The following ADGRG4 variants were observed in gnomAD, a reference collection of about 807,000 sequenced individuals.
ADGRG4 encodes the protein G protein-coupled receptor 112.
Under a neutral mutation model 126.2 loss-of-function variants are expected in ADGRG4, and 122 were observed. The observed-to-expected ratio is 0.97, with a 90% confidence interval of 0.83 to 1.12. The LOEUF is 1.12. Among genes scored for constraint, ADGRG4 ranks in the 50% most tolerant of loss-of-function variants. The probability of loss-of-function intolerance (pLI) is 0.00; values close to 1 mark genes in which losing one functional copy is unlikely to be tolerated. For synonymous variants in ADGRG4, 943 were observed against 838.7 expected (o/e 1.12, Z -2.15); for missense variants, 2,481 against 2,251.8 (o/e 1.10, Z -2.06).
intron 13 of ADGRG4, among the ~76,000 whole-genome samples, chrX:136,367,110 A>C (rs747202135): frequency 1.8e-5 from 2 of 112,071 alleles, no homozygotes; most frequent in African/African-American, 6.5e-5. Flanking sequence ...CTTCATAGAC[A>C]ACTTGCCAGA....
chrX:136,350,998 A>G (rs753172303), intron 6 of ADGRG4, among the ~76,000 whole-genome samples: 40 of 111,866 alleles, frequency 3.6e-4, no homozygotes, highest in Non-Finnish European at 6.6e-4. Context: ...TTAACATTCT[A>G]CAATAGAAAT....
chrX:136,305,548 T>C (rs944882741), intron 3 of ADGRG4, among the ~76,000 whole-genome samples: 1 of 112,307 alleles, frequency 8.9e-6, no homozygotes, highest in African/African-American at 3.2e-5. Flanking sequence ...ATCCCCTTCT[T>C]GAGACGAACA....
At chrX:136,400,425 C>T (rs919920104) in intron 21 of ADGRG4, among the ~76,000 whole-genome samples, 1 of 112,200 alleles carries the variant, frequency 8.9e-6, no homozygotes, top group African/African-American at 3.2e-5. Context: ...ACTGATAAAA[C>T]AGCTAACACT....
chrX:136,344,735 G>A lies in ADGRG4; in HGVS notation c.1029G>A (p.Thr343=), dbSNP rs55662892. The change falls in exon 6 of 26, where the codon ACG becomes ACA. Residue 343 remains threonine (T), a synonymous_variant. Transcript: ENST00000394143. ...IDNTTNSMKK[T]KSPSSESTKT... ...ATACTACCAATTCCATGAAAAAAACGAAATCTCCATCTTCAGAAAGCACAA... is the reference window on the plus strand; with the variant it reads ...ATACTACCAATTCCATGAAAAAAACAAAATCTCCATCTTCAGAAAGCACAA... 1,112 of 1,207,609 alleles carry A rather than the reference G, an allele frequency of 9.2e-4. 7 individuals carry two copies. The African/African-American group carries it at 0.018, about 19-fold the overall frequency.
At chrX:136,401,716 C>T (rs1188680956) in intron 21 of ADGRG4, among the ~76,000 whole-genome samples, 1 of 112,081 alleles carries the variant, frequency 8.9e-6, no homozygotes, top group Non-Finnish European at 1.9e-5. Flanking sequence ...AATGGATGAC[C>T]GCCACGTGAG....
At chrX:136,399,761 C>T (rs1224169559) in intron 20 of ADGRG4, 87 bp from the exon 21 acceptor site, 1 of 789,881 alleles carries the variant, frequency 1.3e-6, no homozygotes, top group African/African-American at 2.1e-5. Flanking sequence ...TTTATTCTTT[C>T]ACTTATTATG....
intron 23 of ADGRG4, among the ~76,000 whole-genome samples, chrX:136,407,625 A>G (rs1450425081): frequency 4.5e-5 from 5 of 112,226 alleles, no homozygotes; most frequent in African/African-American, 1.6e-4. Flanking sequence ...CCTGCCAACC[A>G]TATACATCCA....
In ADGRG4 at chrX:136,345,022, A is replaced by C. The variant is rs933439915; in HGVS notation, c.1316A>C (p.Glu439Ala). The C allele has an allele frequency of 1.7e-6, 2 of 1,211,589 alleles. No individual in the cohort carries two copies. Among genetic ancestry groups the C allele is most frequent in the Admixed American group, 4.3e-5 (2 of 45,994 alleles). Residue 439 changes from glutamate to alanine, a missense_variant, in exon 6 of 26, where the codon GAA becomes GCA. Glu to Ala is a moderately radical substitution (Grantham distance 107). Coordinates refer to ENST00000394143, the MANE Select transcript of ADGRG4 (RefSeq NM_153834.4). ...TCCACAGCTGGCCAGGAGTTCATTGAATCTACAGCTGCCGGAACTGTACCT... is the reference window on the plus strand; with the variant it reads ...TCCACAGCTGGCCAGGAGTTCATTGCATCTACAGCTGCCGGAACTGTACCT... ...PISTAGQEFI[E>A]STAAGTVPWF...
intron 1 of ADGRG4, among the ~76,000 whole-genome samples, chrX:136,301,617 T>G: frequency 8.9e-6 from 1 of 112,462 alleles, no homozygotes; most frequent in Non-Finnish European, 1.9e-5. Flanking sequence ...CAATTTTGGC[T>G]TTTGTTGCCA....
intron 7 of ADGRG4, among the ~76,000 whole-genome samples, 172 bp from the exon 8 acceptor site, chrX:136,353,165 C>T (rs761233701): frequency 3.6e-5 from 4 of 111,637 alleles, no homozygotes; most frequent in Non-Finnish European, 5.6e-5. Flanking sequence ...AGACACAATT[C>T]AGCCCATAAT....
chrX:136,411,341 C>T (rs1437538595), intron 23 of ADGRG4, among the ~76,000 whole-genome samples: 2 of 112,649 alleles, frequency 1.8e-5, no homozygotes, highest in Admixed American at 9.3e-5. Context: ...TGAGACATCA[C>T]GCCTGGCCAA....
intron 5 of ADGRG4, among the ~76,000 whole-genome samples, chrX:136,341,630 T>C (rs770407897): frequency 8.9e-6 from 1 of 112,388 alleles, no homozygotes; most frequent in South Asian, 3.7e-4. Context: ...CCTAACATAA[T>C]GTGCATCTGT....
rs377239456 is a variant in ADGRG4, at chrX:136,347,554, C to A, written c.3848C>A (p.Ser1283Tyr). The change falls in exon 6 of 26, where the codon TCT (serine) becomes TAT (tyrosine). Residue 1283 changes from serine (S) to tyrosine (Y), a missense_variant. Coordinates refer to ENST00000394143, the MANE Select transcript of ADGRG4 (RefSeq NM_153834.4). ...ACAGAAATGTCCCCATCAAAGAATTCTTTTATTTCATACTCCCGGGGTACT... is the reference window on the plus strand; with the variant it reads ...ACAGAAATGTCCCCATCAAAGAATTATTTTATTTCATACTCCCGGGGTACT... ...EVTEMSPSKN[S>Y]FISYSRGTPS... 3 of 1,207,283 alleles carry A rather than the reference C, an allele frequency of 2.5e-6. No homozygotes were observed. In the African/African-American group the frequency reaches 5.3e-5, roughly 21 times the overall value.
At chrX:136,316,625 G>A (rs1212969786) in intron 4 of ADGRG4, among the ~76,000 whole-genome samples, 2 of 110,316 alleles carry the variant, frequency 1.8e-5, no homozygotes, top group African/African-American at 6.6e-5. Context: ...CTGCCACCAC[G>A]CCTGGCTAAT....
intron 17 of ADGRG4, among the ~76,000 whole-genome samples, chrX:136,392,960 G>A (rs1424064006): frequency 1.8e-5 from 2 of 111,964 alleles, no homozygotes; most frequent in Non-Finnish European, 3.8e-5. Flanking sequence ...AAGAGAGGGA[G>A]AGGAAATTTA....
chrX:136,361,379 T>C (rs2075127478), intron 11 of ADGRG4, 76 bp from the exon 12 acceptor site: 1 of 344,992 alleles, frequency 2.9e-6, no homozygotes, highest in African/African-American at 2.8e-5. Context: ...TATTATATAG[T>C]AATAATAATA....
intron 25 of ADGRG4, 146 bp downstream of exon 25, chrX:136,414,473 GA>G (rs1190905314): frequency 2.0e-6 from 1 of 488,217 alleles, no homozygotes; most frequent in African/African-American, 2.4e-5. Flanking sequence ...TCTTGGCTGA[GA>G]AAGTGTGTAT....
At chrX:136,321,408 A>G (rs765896062) in intron 4 of ADGRG4, among the ~76,000 whole-genome samples, 1 of 111,506 alleles carries the variant, frequency 9.0e-6, no homozygotes, top group Admixed American at 9.6e-5. Flanking sequence ...GGGAGAGAAT[A>G]CTATATGGTC....
chrX:136,402,566 C>T (rs180728058), intron 21 of ADGRG4, among the ~76,000 whole-genome samples: 24 of 111,787 alleles, frequency 2.1e-4, no homozygotes, highest in Admixed American at 5.7e-4. Flanking sequence ...TATGTAGGTG[C>T]ATGCGCTTAG....
Sources: allele counts gnomAD v4.1 joint callset (sites outside exome capture counted in the v4.1 genomes callset), GRCh38; gene constraint gnomAD v4.1.1; transcripts MANE v1.5; gene names NCBI Gene and HGNC (gene_info 2026-07-23, HGNC 2026-07-21).